SH3GL3: variants seen among roughly 807,000 people sequenced by gnomAD.
SH3GL3 encodes SH3 domain containing GRB2 like 3, endophilin A3.
SH3GL3 carries 33 observed loss-of-function variants against 47.7 expected under a neutral mutation model. The observed-to-expected ratio is 0.69, with a 90% CI of 0.52 to 0.92. The LOEUF (loss-of-function observed/expected upper bound fraction) is 0.92. Ranked by LOEUF, SH3GL3 falls within the 40% of genes least tolerant of loss-of-function variation. The pLI is 0.00. For synonymous variants in SH3GL3, 155 were observed against 148.8 expected, an observed-to-expected ratio of 1.04 and a Z score of -0.30; for missense variants, 363 against 417.8, an observed-to-expected ratio of 0.87 and a Z score of 1.14.
At chr15:83,461,462 T>G (rs536165864) in intron 1 of SH3GL3, among the ~76,000 whole-genome samples, 3 of 152,298 alleles carry the variant, frequency 2.0e-5, no homozygotes, top group Admixed American at 2.0e-4. Flanking sequence ...TCTTTAATAT[T>G]TTATTTTCCA....
rs550083799 is a variant in SH3GL3 at position 83,609,865 on chromosome 15, G to T, written c.839-8217G>T. Among the ~76,000 whole-genome samples the T allele has an allele frequency of 1.2e-4, 19 of 152,298 alleles. 1 individual carries two copies. The highest frequency in any genetic ancestry group is 1.2e-3 in the Admixed American group (19 of 15,306). On this transcript the variant is annotated intron_variant, in intron 8 of 8. Coordinates refer to ENST00000427482, the MANE Select transcript of SH3GL3 (RefSeq NM_003027.5). ...GATCCTGGCATGTGGGAGAGAGAGA[G>T]AGAGAAAATGAGAAGGCCAGGCTGC... is the stretch of plus-strand genomic sequence containing the variant.
rs916809759 is a variant in SH3GL3 at position 83,448,522 on chromosome 15, G to T, written c.45+944G>T. On this transcript the variant is annotated intron_variant, in intron 1 of 8. Coordinates refer to ENST00000427482, the MANE Select transcript of SH3GL3 (RefSeq NM_003027.5). The surrounding 1 kb of genome is among the most constrained non-coding windows in gnomAD (Gnocchi z 4.2). ...TTGTTTTTCAACATCAACATTGCAGGCTCTTCCAGCTATGGCAGAGCTCAC... is the reference window on the plus strand; with the variant it reads ...TTGTTTTTCAACATCAACATTGCAGTCTCTTCCAGCTATGGCAGAGCTCAC... Among the ~76,000 whole-genome samples the T allele has an allele frequency of 6.7e-6, 1 of 149,554 alleles. No homozygotes were observed. Among genetic ancestry groups the T allele is most frequent in the African/African-American group, 2.5e-5 (1 of 40,248 alleles).
chr15:83,462,817 C>G (rs1038684163), intron 1 of SH3GL3, among the ~76,000 whole-genome samples: 1 of 152,196 alleles, frequency 6.6e-6, no homozygotes, highest in Non-Finnish European at 1.5e-5. Flanking sequence ...GAGAGCTTCT[C>G]CTTATGGCCT....
chr15:83,556,537 A>G (rs1278937680), intron 1 of SH3GL3, among the ~76,000 whole-genome samples: 1 of 152,190 alleles, frequency 6.6e-6, no homozygotes, highest in Non-Finnish European at 1.5e-5. Flanking sequence ...TAAAACCTGA[A>G]CAAGTGCGAA....
At chr15:83,503,049 C>G (rs1242424367) in intron 1 of SH3GL3, among the ~76,000 whole-genome samples, 1 of 152,048 alleles carries the variant, frequency 6.6e-6, no homozygotes, top group African/African-American at 2.4e-5. Flanking sequence ...TGAAAGTCCA[C>G]TGTATTTATT....
intron 4 of SH3GL3, among the ~76,000 whole-genome samples, chr15:83,571,334 G>T (rs1347014139): frequency 6.6e-6 from 1 of 152,202 alleles, no homozygotes; most frequent in Non-Finnish European, 1.5e-5. Context: ...TGGCAGAGGG[G>T]CTGTGTAGGG....
intron 1 of SH3GL3, among the ~76,000 whole-genome samples, chr15:83,546,101 G>T (rs188148069): frequency 1.3e-5 from 2 of 152,110 alleles, no homozygotes; most frequent in Non-Finnish European, 2.9e-5. Context: ...GCCAGAAATG[G>T]ATCTTTCCCT....
At chr15:83,449,378 T>TGAGCAGAGCA (rs201654878) in intron 1 of SH3GL3, among the ~76,000 whole-genome samples, 1 of 152,168 alleles carries the variant, frequency 6.6e-6, no homozygotes, top group Admixed American at 6.5e-5. Flanking sequence ...AGTGCTGCTG[T>TGAGCAGAGCA]GAGCAGAGCA....
At chr15:83,604,824 A>G (rs976884521) in intron 8 of SH3GL3, among the ~76,000 whole-genome samples, 1 of 152,206 alleles carries the variant, frequency 6.6e-6, no homozygotes, top group Non-Finnish European at 1.5e-5. Flanking sequence ...TACCTTATAG[A>G]TATTTCATGT....
At chr15:83,582,785 C>A (rs1596306520) in intron 6 of SH3GL3, among the ~76,000 whole-genome samples, 2 of 152,212 alleles carry the variant, frequency 1.3e-5, no homozygotes, top group East Asian at 3.8e-4. Flanking sequence ...CTGGGAAAAT[C>A]ATTTCACCTG....
chr15:83,578,798 A>G (rs905600849), intron 6 of SH3GL3, among the ~76,000 whole-genome samples: 4 of 151,830 alleles, frequency 2.6e-5, no homozygotes, highest in African/African-American at 9.7e-5. Context: ...AGATTGCCGT[A>G]TTGTTTTGAA....
At chr15:83,502,653 G>T (rs1596124092) in intron 1 of SH3GL3, among the ~76,000 whole-genome samples, 1 of 152,118 alleles carries the variant, frequency 6.6e-6, no homozygotes, top group East Asian at 1.9e-4. Context: ...GACCTTCTGG[G>T]GCTCAAGGGA....
intron 1 of SH3GL3, among the ~76,000 whole-genome samples, chr15:83,500,887 G>A (rs1175027206): frequency 1.3e-5 from 2 of 152,100 alleles, no homozygotes; most frequent in African/African-American, 4.8e-5. Flanking sequence ...CTAGTAACTC[G>A]CACAATAAAT....
chr15:83,616,693 A>G (rs2060827662), intron 8 of SH3GL3, among the ~76,000 whole-genome samples: 1 of 152,222 alleles, frequency 6.6e-6, no homozygotes, highest in South Asian at 2.1e-4. Flanking sequence ...ATATTTATGT[A>G]TAAGCTCTTT....
intron 8 of SH3GL3, chr15:83,611,620 G>C (rs1232893384): frequency 6.6e-6 from 1 of 152,426 alleles, no homozygotes; most frequent in Admixed American, 6.5e-5. Context: ...GAGCAAGGAG[G>C]TGGAGGTGGA....
intron 1 of SH3GL3, among the ~76,000 whole-genome samples, chr15:83,465,021 A>AATAATAATG: frequency 6.7e-6 from 1 of 149,344 alleles, no homozygotes; most frequent in Non-Finnish European, 1.5e-5. Context: ...TAATAATAAT[A>AATAATAATG]ATAACAGCAA....
chr15:83,624,388 T>C, the SH3GL3 span, among the ~76,000 whole-genome samples: 2,222 of 152,180 alleles, frequency 0.015, 48 homozygotes, highest in African/African-American at 0.05. Context: ...AAGGGGCTGA[T>C]AGGGAGAGTG....
chr15:83,516,905 AT>A (rs534096576), intron 1 of SH3GL3, among the ~76,000 whole-genome samples: 51 of 147,574 alleles, frequency 3.5e-4, no homozygotes, highest in East Asian at 1.4e-3. Context: ...TTCAGTCAAC[AT>A]TTTTTTTTTT....
chr15:83,577,857 C>T (rs2059726164), intron 6 of SH3GL3, among the ~76,000 whole-genome samples: 1 of 152,232 alleles, frequency 6.6e-6, no homozygotes, highest in Admixed American at 6.5e-5. Context: ...TGCCATTTTG[C>T]TGAGACTGAA....
Sources: allele counts gnomAD v4.1 joint callset (sites outside exome capture counted in the v4.1 genomes callset), GRCh38; gene constraint gnomAD v4.1.1; non-coding constraint Gnocchi (gnomAD v3.1); transcripts MANE v1.5; gene names NCBI Gene and HGNC (gene_info 2026-07-23, HGNC 2026-07-21).